Variants in ERC2 observed in about 807,000 individuals in gnomAD.
The protein encoded by ERC2 is ELKS/RAB6-interacting/CAST family member 2.
Under a neutral mutation model 114.8 loss-of-function variants are expected in ERC2, and 42 were observed. That is an observed-to-expected ratio of 0.37 (90% CI 0.29 to 0.47). ERC2 has a LOEUF of 0.47. Among genes scored for constraint, ERC2 ranks in the 20% least tolerant of loss-of-function variants. The pLI, the probability that ERC2 is intolerant of heterozygous loss-of-function variation, is 0.99. For missense variants in ERC2, 939 were observed against 1,150.7 expected (o/e 0.82, Z 2.66); for synonymous variants, 454 against 425.5 (o/e 1.07, Z -0.82).
intron 6 of ERC2, among the ~76,000 whole-genome samples, chr3:56,135,066 C>A (rs143175714): frequency 6.6e-6 from 1 of 152,030 alleles, no homozygotes; most frequent in Non-Finnish European, 1.5e-5. Context: ...GATTCTTGTG[C>A]CTCAGCCTCC....
At chr3:55,646,242 C>A (rs561238985) in intron 17 of ERC2, among the ~76,000 whole-genome samples, 53 of 152,320 alleles carry the variant, frequency 3.5e-4, no homozygotes, top group African/African-American at 1.2e-3. Context: ...CTTAATCCAA[C>A]CTGTTCACGC....
At chr3:55,952,179 A>AATATATATAT in intron 12 of ERC2, among the ~76,000 whole-genome samples, 1 of 62,108 alleles carries the variant, frequency 1.6e-5, no homozygotes, top group East Asian at 4.2e-4. Flanking sequence ...ACACACACAC[A>AATATATATAT]CTCTCTCTCT....
chr3:56,008,641 C>G (rs1460851501), intron 9 of ERC2, among the ~76,000 whole-genome samples: 4 of 152,160 alleles, frequency 2.6e-5, no homozygotes, highest in Non-Finnish European at 5.9e-5. Flanking sequence ...TGGCTAGGCT[C>G]TAGTCCTCAG....
intron 14 of ERC2, among the ~76,000 whole-genome samples, chr3:55,870,736 CA>C (rs2062545143): frequency 6.6e-6 from 1 of 152,170 alleles, no homozygotes; most frequent in Non-Finnish European, 1.5e-5. Context: ...TAAGGAACAC[CA>C]ACGGATGAGA....
At chr3:56,042,673 A>G (rs1386236690) in intron 7 of ERC2, among the ~76,000 whole-genome samples, 1 of 152,154 alleles carries the variant, frequency 6.6e-6, no homozygotes, top group Admixed American at 6.5e-5. Flanking sequence ...ATGCTCTTTT[A>G]TCGTCAGCAG....
chr3:55,907,673 A>T (rs1052854521), intron 13 of ERC2, among the ~76,000 whole-genome samples: 2 of 152,200 alleles, frequency 1.3e-5, no homozygotes, highest in African/African-American at 4.8e-5. Flanking sequence ...GTTTGGACTG[A>T]TGAAGGCTCA....
chr3:55,582,672 C>T (rs760323503), intron 17 of ERC2, among the ~76,000 whole-genome samples: 8 of 152,206 alleles, frequency 5.3e-5, no homozygotes, highest in Non-Finnish European at 1.0e-4. Flanking sequence ...TTCTGCAGGG[C>T]TCTGACCAGA....
chr3:55,957,063 T>C (rs1208435557), intron 12 of ERC2, among the ~76,000 whole-genome samples: 1 of 152,082 alleles, frequency 6.6e-6, no homozygotes, highest in Non-Finnish European at 1.5e-5. Context: ...AAGAACATGA[T>C]AACATAGCAT....
intron 15 of ERC2, among the ~76,000 whole-genome samples, chr3:55,716,705 C>A (rs2064140868): frequency 6.6e-6 from 1 of 152,158 alleles, no homozygotes; most frequent in Admixed American, 6.5e-5. Context: ...TCTGTCTTAC[C>A]CATCATCATG....
intron 2 of ERC2, among the ~76,000 whole-genome samples, chr3:56,417,262 C>T (rs2061202564): frequency 6.6e-6 from 1 of 152,182 alleles, no homozygotes; most frequent in Non-Finnish European, 1.5e-5. Flanking sequence ...TGGGAAATCA[C>T]CCTCATCTTT....
chr3:55,517,536 ATCTG>A (rs2052614602), intron 17 of ERC2, among the ~76,000 whole-genome samples: 1 of 152,038 alleles, frequency 6.6e-6, no homozygotes, highest in Non-Finnish European at 1.5e-5. Context: ...TAGAACCATT[ATCTG>A]TCTAATATGC....
intron 14 of ERC2, among the ~76,000 whole-genome samples, chr3:55,808,137 C>CTCTAAG (rs2149117914): frequency 6.6e-6 from 1 of 152,256 alleles, no homozygotes; most frequent in Non-Finnish European, 1.5e-5. Flanking sequence ...GGAAACTCCC[C>CTCTAAG]TCTAAGTAAG....
intron 14 of ERC2, among the ~76,000 whole-genome samples, chr3:55,878,967 A>G (rs936933747): frequency 6.6e-6 from 1 of 152,150 alleles, no homozygotes; most frequent in Non-Finnish European, 1.5e-5. Flanking sequence ...TAATAACCTA[A>G]GAGTTTTATG....
intron 2 of ERC2, among the ~76,000 whole-genome samples, chr3:56,321,622 T>G (rs866816441): frequency 6.6e-6 from 1 of 152,248 alleles, no homozygotes; most frequent in South Asian, 2.1e-4. Context: ...ATTTGGTCTA[T>G]CCTGTTGGAC....
At chr3:55,722,887 G>C (rs897373228) in intron 15 of ERC2, among the ~76,000 whole-genome samples, 1 of 152,152 alleles carries the variant, frequency 6.6e-6, no homozygotes, top group African/African-American at 2.4e-5. Context: ...ATTTACGAAT[G>C]TCAAGTCCAC....
intron 14 of ERC2, among the ~76,000 whole-genome samples, chr3:55,775,282 A>C (rs1337488303): frequency 6.6e-6 from 1 of 152,186 alleles, no homozygotes; most frequent in Non-Finnish European, 1.5e-5. Flanking sequence ...CTGTAATCCC[A>C]GCATTTTGTA....
At chr3:56,462,400 C>T (rs1474629212) in intron 1 of ERC2, among the ~76,000 whole-genome samples, 1 of 152,198 alleles carries the variant, frequency 6.6e-6, no homozygotes, top group African/African-American at 2.4e-5. Context: ...TCCACCTTCA[C>T]TCGTACTAAA....
intron 14 of ERC2, among the ~76,000 whole-genome samples, chr3:55,740,503 C>A (rs1006382977): frequency 6.6e-6 from 1 of 150,396 alleles, no homozygotes; most frequent in African/African-American, 2.4e-5. Context: ...ATATTTTCCC[C>A]AAAAATACCT....
chr3:55,639,236 TAGG>T (rs1223274016), intron 17 of ERC2, among the ~76,000 whole-genome samples: 1 of 151,940 alleles, frequency 6.6e-6, no homozygotes, highest in Non-Finnish European at 1.5e-5. Flanking sequence ...GGAGACCAGG[TAGG>T]AGAAGAGCAC....
Sources: allele counts gnomAD v4.1 joint callset (sites outside exome capture counted in the v4.1 genomes callset), GRCh38; gene constraint gnomAD v4.1.1; transcripts MANE v1.5; gene names NCBI Gene and HGNC (gene_info 2026-07-23, HGNC 2026-07-21).